CWF19L2: variants seen among roughly 807,000 people sequenced by gnomAD.
CWF19L2 encodes CWF19-like protein 2.
A neutral mutation model predicts 111.7 loss-of-function variants in CWF19L2; 98 were observed. The observed-to-expected ratio is 0.88, with a 90% confidence interval of 0.75 to 1.04. The LOEUF (loss-of-function observed/expected upper bound fraction) is 1.04, where lower values mean the gene tolerates loss of function less well. Ranked by LOEUF, CWF19L2 falls within the 50% of genes least tolerant of loss-of-function variation. The probability of loss-of-function intolerance (pLI) is 0.00; values close to 1 mark genes in which losing one functional copy is unlikely to be tolerated. For missense variants in CWF19L2, 1,101 were observed against 1,051.4 expected, an observed-to-expected ratio of 1.05 and a Z score of -0.65; for synonymous variants, 351 against 342.9, an observed-to-expected ratio of 1.02 and a Z score of -0.26.
At chr11:107,354,339 C>A (rs576907503) in intron 12 of CWF19L2, among the ~76,000 whole-genome samples, 1 of 152,182 alleles carries the variant, frequency 6.6e-6, no homozygotes, top group Admixed American at 6.5e-5. Flanking sequence ...AGCTTAGATT[C>A]CACAGTCAAA....
chr11:107,336,652 T>G lies in CWF19L2; in HGVS notation c.2264A>C (p.Glu755Ala), dbSNP rs772968482. ...EDKGLDCIFLETNMSMKKQYH... is the reference protein window; with the variant it reads ...EDKGLDCIFLATNMSMKKQYH... Reference sequence around the variant, plus strand: ...CTGTTTCTTCATGCTCATATTAGTTTCCAAAAAAATGCAGTCTAATCCTTT... The same window carrying G: ...CTGTTTCTTCATGCTCATATTAGTTGCCAAAAAAATGCAGTCTAATCCTTT... The change falls in exon 15 of 18, where the codon GAA (glutamate) becomes GCA (alanine). Residue 755 changes from glutamate to alanine, a missense_variant. By Grantham distance (107) the Glu-to-Ala change is moderately radical. Coordinates refer to ENST00000282251, the MANE Select transcript of CWF19L2 (RefSeq NM_152434.3). The G allele has an allele frequency of 1.3e-6, 2 of 1,590,962 alleles. No individual in the cohort carries two copies. Among genetic ancestry groups the G allele is most frequent in the Non-Finnish European group, 1.7e-6 (2 of 1,165,598 alleles).
At chr11:107,373,648 G>T (rs1260949261) in intron 12 of CWF19L2, among the ~76,000 whole-genome samples, 2 of 129,786 alleles carry the variant, frequency 1.5e-5, no homozygotes, top group African/African-American at 6.1e-5. Flanking sequence ...ACCAAAAGTA[G>T]ATAAAACCAC....
At chr11:107,411,007 T>C (rs2135393338) in intron 10 of CWF19L2, among the ~76,000 whole-genome samples, 1 of 152,146 alleles carries the variant, frequency 6.6e-6, no homozygotes, top group East Asian at 1.9e-4. Flanking sequence ...TCAGCAAAGC[T>C]TGACTACAAG....
At position 107,418,229 on chromosome 11, in the gene CWF19L2, C is replaced by A; in HGVS notation, c.1492G>T (p.Ala498Ser). 1 of 1,612,730 alleles carries A rather than the reference C, an allele frequency of 6.2e-7. No individual in the cohort carries two copies. Among genetic ancestry groups the A allele is most frequent in the Non-Finnish European group, 8.5e-7 (1 of 1,178,776 alleles). ...ATCATCTCTGCTTTGATAATCTTGG[C>A]TCCCAACTTGTTCTTCTCATCAACA... Reference protein sequence around the residue: ...LSVDEKNKLGAKIIKAEMMGN... With the variant: ...LSVDEKNKLGSKIIKAEMMGN... The change falls in exon 9 of 18, where the codon GCC becomes TCC. Residue 498 changes from alanine (A) to serine (S), a missense_variant. By Grantham distance (99) the Ala-to-Ser change is moderately conservative (BLOSUM62 1). Coordinates refer to ENST00000282251, the MANE Select transcript of CWF19L2 (RefSeq NM_152434.3).
In CWF19L2 at chr11:107,452,254, A is replaced by G. The variant is rs117910952; in HGVS notation, c.339+2196T>C. 3.9e-5 allele frequency among the ~76,000 whole-genome samples: 6 copies of G among 152,332 alleles called. No individual in the cohort carries two copies. The East Asian group carries it at 7.7e-4, about 20-fold the overall frequency. On this transcript the variant is annotated intron_variant, in intron 3 of 17. Coordinates refer to ENST00000282251, the MANE Select transcript of CWF19L2 (RefSeq NM_152434.3). ...CATGGTGATAAGAGGCAAGGTGAAT[A>G]TATCAAAAGCAGGTTTTTTTTCACT... is the stretch of plus-strand genomic sequence containing the variant.
chr11:107,402,871 G>GTATATATACATATATATATATATA (rs767099135), intron 10 of CWF19L2, among the ~76,000 whole-genome samples: 1 of 57,120 alleles, frequency 1.8e-5, no homozygotes, highest in African/African-American at 1.0e-4. Flanking sequence ...AAACTGTGGT[G>GTATATATACATATATATATATATA]TGTATATATA....
intron 8 of CWF19L2, among the ~76,000 whole-genome samples, chr11:107,418,957 G>C (rs1861266232): frequency 6.6e-6 from 1 of 152,184 alleles, no homozygotes; most frequent in Non-Finnish European, 1.5e-5. Flanking sequence ...CTGAGTAAAG[G>C]AGACATAGCC....
In CWF19L2 at chr11:107,373,955, G is replaced by A. The variant is rs551847372; in HGVS notation, c.1872+16119C>T. On this transcript the variant is annotated intron_variant, in intron 12 of 17. Coordinates refer to ENST00000282251, the MANE Select transcript of CWF19L2 (RefSeq NM_152434.3). ...CTGATGGAGCTGAAAACCAAGGCTC[G>A]AGAACTACGTGAAGAATGCAGAAGC... Among the ~76,000 whole-genome samples the A allele has an allele frequency of 4.4e-5, 6 of 136,072 alleles. 2 individuals are homozygous for A. Among genetic ancestry groups the A allele is most frequent in the South Asian group, 5.0e-4 (2 of 3,962 alleles). The allele number at this position is 136,072 out of a possible 152,430, so 89.3% of individuals were successfully genotyped here.
At chr11:107,425,323 C>T (rs1413708390) in intron 8 of CWF19L2, among the ~76,000 whole-genome samples, 1 of 151,732 alleles carries the variant, frequency 6.6e-6, no homozygotes. Context: ...TTTCACTCAA[C>T]GACAGACCAC....
intron 10 of CWF19L2, among the ~76,000 whole-genome samples, chr11:107,415,436 A>C (rs904372882): frequency 3.3e-5 from 5 of 152,182 alleles, no homozygotes; most frequent in Non-Finnish European, 7.3e-5. Flanking sequence ...CATTTTTATA[A>C]TTTATTGTTT....
chr11:107,330,722 A>G (rs918053338), intron 16 of CWF19L2, among the ~76,000 whole-genome samples: 9 of 149,434 alleles, frequency 6.0e-5, no homozygotes, highest in Admixed American at 4.0e-4. Context: ...AAAAGCCACA[A>G]ATTCTTGTTT....
chr11:107,415,325 CT>C (rs937059961), intron 10 of CWF19L2, among the ~76,000 whole-genome samples: 1 of 152,184 alleles, frequency 6.6e-6, no homozygotes, highest in African/African-American at 2.4e-5. Flanking sequence ...CAGAATTGGC[CT>C]GTGCATTCCA....
intron 4 of CWF19L2, among the ~76,000 whole-genome samples, chr11:107,442,415 C>A (rs565580185): frequency 6.6e-6 from 1 of 152,070 alleles, no homozygotes; most frequent in South Asian, 2.1e-4. Flanking sequence ...GGTGCAGTGG[C>A]TCACGTCTCT....
intron 12 of CWF19L2, among the ~76,000 whole-genome samples, chr11:107,381,574 T>A (rs1456498945): frequency 1.3e-5 from 2 of 152,184 alleles, no homozygotes; most frequent in African/African-American, 4.8e-5. Flanking sequence ...CTTGCAAAGA[T>A]AATTTCACTG....
chr11:107,421,202 G>C (rs1861298764), intron 8 of CWF19L2, among the ~76,000 whole-genome samples: 2 of 151,738 alleles, frequency 1.3e-5, no homozygotes, highest in South Asian at 4.2e-4. Flanking sequence ...ATAACCCATG[G>C]GTCAAAAATA....
chr11:107,429,606 C>T (rs531626175), intron 7 of CWF19L2, among the ~76,000 whole-genome samples, 155 bp from the exon 8 acceptor site: 3 of 151,964 alleles, frequency 2.0e-5, no homozygotes, highest in Non-Finnish European at 2.9e-5. Flanking sequence ...TATACGGAAA[C>T]GAATACTTTC....
intron 17 of CWF19L2, 52 bp from the exon 18 acceptor site, chr11:107,327,105 CAG>C: frequency 1.4e-6 from 2 of 1,455,114 alleles, no homozygotes; most frequent in Admixed American, 5.0e-5. Context: ...ATAATGAAAA[CAG>C]AAATGAAACT....
intron 17 of CWF19L2, among the ~76,000 whole-genome samples, chr11:107,328,718 T>C (rs1026630452): frequency 9.9e-5 from 15 of 152,278 alleles, no homozygotes; most frequent in African/African-American, 3.6e-4. Flanking sequence ...TAGGACCAAA[T>C]TTTTGTTTTG....
intron 13 of CWF19L2, among the ~76,000 whole-genome samples, chr11:107,350,443 T>G (rs560553299): frequency 1.3e-5 from 2 of 152,206 alleles, no homozygotes; most frequent in African/African-American, 4.8e-5. Context: ...TGGGATTAAT[T>G]ATCTTATAAA....
Sources: allele counts gnomAD v4.1 joint callset (sites outside exome capture counted in the v4.1 genomes callset), GRCh38; gene constraint gnomAD v4.1.1; transcripts MANE v1.5; gene names NCBI Gene and HGNC (gene_info 2026-07-23, HGNC 2026-07-21).